The following RAB38 variants were observed in gnomAD, a reference collection of about 807,000 sequenced individuals.
RAB38 encodes ras-related protein Rab-38.
In RAB38, 15 loss-of-function variants were observed where a neutral mutation model predicts 18.4. That is an observed-to-expected ratio of 0.82 (90% CI 0.55 to 1.26). RAB38 has a LOEUF of 1.26. Ranked by LOEUF, RAB38 falls within the 50% of genes most tolerant of loss-of-function variation. The probability of loss-of-function intolerance (pLI) is 0.00; values close to 1 mark genes in which losing one functional copy is unlikely to be tolerated. For missense variants in RAB38, 294 were observed against 267.4 expected (o/e 1.10, Z -0.69); for synonymous variants, 101 against 104.4 (o/e 0.97, Z 0.20).
the RAB38 span, among the ~76,000 whole-genome samples, chr11:88,040,523 T>C: frequency 0.038 from 5,843 of 152,176 alleles, 143 homozygotes; most frequent in Middle Eastern, 0.068. Flanking sequence ...CTGGGTAACA[T>C]GGTGAAAACC....
chr11:88,146,638 AT>A (rs1942990165), intron 2 of RAB38, among the ~76,000 whole-genome samples: 1 of 152,200 alleles, frequency 6.6e-6, no homozygotes, highest in African/African-American at 2.4e-5. Context: ...TTTAAAAAGA[AT>A]TTTAAAGAAG....
intron 2 of RAB38, among the ~76,000 whole-genome samples, chr11:88,129,055 C>T (rs950307349): frequency 1.3e-5 from 2 of 152,124 alleles, no homozygotes; most frequent in Non-Finnish European, 2.9e-5. Flanking sequence ...TGTATGCATT[C>T]ACATTTTAGA....
At chr11:88,024,583 T>A in the RAB38 span, among the ~76,000 whole-genome samples, 4 of 152,150 alleles carry the variant, frequency 2.6e-5, no homozygotes, top group Non-Finnish European at 4.4e-5. Flanking sequence ...TATCTACATT[T>A]CCATGTTTGT....
intron 1 of RAB38, among the ~76,000 whole-genome samples, chr11:88,156,951 A>C (rs553168527): frequency 6.6e-6 from 1 of 152,322 alleles, no homozygotes; most frequent in Non-Finnish European, 1.5e-5. Flanking sequence ...TTCAAAGCAA[A>C]CTAGCTAATA....
the RAB38 span, among the ~76,000 whole-genome samples, chr11:88,055,587 G>A: frequency 1.1e-4 from 17 of 152,140 alleles, no homozygotes; most frequent in Non-Finnish European, 1.9e-4. Context: ...TATCATGAAA[G>A]AGGTACTGTG....
the RAB38 span, among the ~76,000 whole-genome samples, chr11:88,055,034 G>GT: frequency 6.6e-6 from 1 of 152,282 alleles, no homozygotes; most frequent in Non-Finnish European, 1.5e-5. Context: ...TTCCTCATCT[G>GT]TAAGTAACCA....
At chr11:87,805,095 G>A in the RAB38 span, among the ~76,000 whole-genome samples, 9,089 of 152,184 alleles carry the variant, frequency 0.06, 679 homozygotes, top group African/African-American at 0.18. Flanking sequence ...CTCCCTCAGA[G>A]GGCACTGAAA....
At chr11:87,896,893 A>G in the RAB38 span, among the ~76,000 whole-genome samples, 1 of 151,648 alleles carries the variant, frequency 6.6e-6, no homozygotes, top group Admixed American at 6.6e-5. Flanking sequence ...TCCACTCTGC[A>G]TTCAGATTAG....
chr11:88,122,738 G>A (rs2134781608), intron 2 of RAB38, among the ~76,000 whole-genome samples: 1 of 152,324 alleles, frequency 6.6e-6, no homozygotes, highest in African/African-American at 2.4e-5. Context: ...GTTATTTATT[G>A]AGTGCTATCT....
At chr11:87,840,824 C>A in the RAB38 span, among the ~76,000 whole-genome samples, 12 of 152,176 alleles carry the variant, frequency 7.9e-5, no homozygotes, top group African/African-American at 2.9e-4. Flanking sequence ...AAGCACTACT[C>A]TTTGTATACA....
chr11:87,832,665 ATC>A, the RAB38 span, among the ~76,000 whole-genome samples: 1 of 151,944 alleles, frequency 6.6e-6, no homozygotes, highest in African/African-American at 2.4e-5. Context: ...CACACTTGGA[ATC>A]TCTGACTTCT....
At chr11:87,975,057 T>C in the RAB38 span, among the ~76,000 whole-genome samples, 1 of 151,844 alleles carries the variant, frequency 6.6e-6, no homozygotes, top group East Asian at 1.9e-4. Context: ...TTGCCAGCAA[T>C]CCTTGGCATT....
chr11:87,950,076 G>A, the RAB38 span, among the ~76,000 whole-genome samples: 1 of 152,286 alleles, frequency 6.6e-6, no homozygotes, highest in East Asian at 1.9e-4. Context: ...GGGTGTTCCT[G>A]TATTGGGTGC....
the RAB38 span, among the ~76,000 whole-genome samples, chr11:87,955,473 C>T: frequency 1.2e-4 from 19 of 152,138 alleles, no homozygotes; most frequent in African/African-American, 3.6e-4. Flanking sequence ...ACCCACATAA[C>T]GAACCTGCAC....
the RAB38 span, among the ~76,000 whole-genome samples, chr11:87,936,837 C>T: frequency 5.6e-4 from 85 of 152,060 alleles, no homozygotes; most frequent in African/African-American, 2.0e-3. Context: ...ATGCAACCTT[C>T]CTAAACTTGG....
the RAB38 span, among the ~76,000 whole-genome samples, chr11:87,893,390 A>ATATATATATATATATTTTTT: frequency 0.011 from 1,047 of 93,878 alleles, 5 homozygotes; most frequent in Non-Finnish European, 0.013. Flanking sequence ...ATATATATAT[A>ATATATATATATATATTTTTT]TTTTTTTTTT....
Position 88,144,363 on chromosome 11 carries a change from T to C in RAB38, c.483+5312A>G, listed in dbSNP as rs549769128. Among the ~76,000 whole-genome samples, 67 of 152,354 alleles carry C rather than the reference T, an allele frequency of 4.4e-4. 1 individual carries two copies. The highest frequency in any genetic ancestry group is 2.0e-3 in the Admixed American group (30 of 15,312). On this transcript the variant is annotated intron_variant, in intron 2 of 2. Coordinates refer to ENST00000243662, the MANE Select transcript of RAB38 (RefSeq NM_022337.3). ...TGGTGGAATCTAGGTCATCTGCCTG[T>C]GCCTAGCTGCAAAGGAAGCAAAAGA...
chr11:87,826,843 C>A, the RAB38 span, among the ~76,000 whole-genome samples: 5 of 152,120 alleles, frequency 3.3e-5, no homozygotes, highest in Non-Finnish European at 7.4e-5. Flanking sequence ...CTCCCTGACT[C>A]CAAGGCCTGG....
At chr11:87,804,344 G>C in the RAB38 span, among the ~76,000 whole-genome samples, 2 of 152,074 alleles carry the variant, frequency 1.3e-5, no homozygotes, top group African/African-American at 2.4e-5. Context: ...ATTGTCCTCT[G>C]TTCTCTGTGG....
Sources: allele counts gnomAD v4.1 joint callset (sites outside exome capture counted in the v4.1 genomes callset), GRCh38; gene constraint gnomAD v4.1.1; transcripts MANE v1.5; gene names NCBI Gene and HGNC (gene_info 2026-07-23, HGNC 2026-07-21).